The following MAMLD1 variants were observed in gnomAD, a reference collection of about 807,000 sequenced individuals.
MAMLD1 encodes mastermind-like domain-containing protein 1.
Under a neutral mutation model 45.0 loss-of-function variants are expected in MAMLD1, and 14 were observed. That is an observed-to-expected ratio of 0.31 (90% CI 0.21 to 0.49). MAMLD1 has a LOEUF of 0.49. Among genes scored for constraint, MAMLD1 ranks in the 20% least tolerant of loss-of-function variants. The pLI, the probability that MAMLD1 is intolerant of heterozygous loss-of-function variation, is 0.99. For missense variants in MAMLD1, 543 were observed against 603.6 expected, an observed-to-expected ratio of 0.90 and a Z score of 1.05; for synonymous variants, 254 against 247.8, an observed-to-expected ratio of 1.02 and a Z score of -0.24.
intron 1 of MAMLD1, among the ~76,000 whole-genome samples, chrX:150,373,912 C>T: frequency 8.9e-6 from 1 of 111,894 alleles, no homozygotes; most frequent in East Asian, 2.8e-4. Flanking sequence ...AATCCACACC[C>T]CACCCTCCAC....
chrX:150,363,575 TC>T (rs1258301455), intron 1 of MAMLD1, 45 bp downstream of exon 1: 1 of 110,866 alleles, frequency 9.0e-6, no homozygotes, highest in Non-Finnish European at 1.9e-5. Flanking sequence ...TTCTGGGGGT[TC>T]CGGGGTACAC....
At chrX:150,371,555 T>A (rs2031988565) in intron 1 of MAMLD1, among the ~76,000 whole-genome samples, 1 of 111,772 alleles carries the variant, frequency 8.9e-6, no homozygotes, top group Non-Finnish European at 1.9e-5. Flanking sequence ...GAGAGGAAAG[T>A]GTGGGTCTTT....
At chrX:150,485,532 C>T (rs1396475518) in intron 5 of MAMLD1, among the ~76,000 whole-genome samples, 1 of 111,757 alleles carries the variant, frequency 8.9e-6, no homozygotes, top group African/African-American at 3.2e-5. Context: ...TATGAGCTAG[C>T]ATTGCTTCTT....
At chrX:150,484,560 A>C (rs1349910589) in intron 5 of MAMLD1, among the ~76,000 whole-genome samples, 6 of 112,454 alleles carry the variant, frequency 5.3e-5, no homozygotes, top group Non-Finnish European at 9.4e-5. Context: ...AATCATGTAG[A>C]TCTATTCTGC....
At chrX:150,495,574 C>G (rs1357024150) in intron 5 of MAMLD1, among the ~76,000 whole-genome samples, 2 of 112,696 alleles carry the variant, frequency 1.8e-5, no homozygotes, top group Non-Finnish European at 3.8e-5. Context: ...GTGGCCTCCA[C>G]TGATCCGGCC....
At chrX:150,398,311 GAAGAAGAAGAAGAAGAAGAA>G (rs2033560475) in intron 1 of MAMLD1, among the ~76,000 whole-genome samples, 3 of 99,531 alleles carry the variant, frequency 3.0e-5, no homozygotes, top group African/African-American at 1.1e-4. Flanking sequence ...AGAAGAAGAA[GAAGAAGAAGAAGAAGAAGAA>G]GAAGAAGAAG....
At chrX:150,425,412 G>A (rs144719848) in intron 1 of MAMLD1, among the ~76,000 whole-genome samples, 40 of 112,772 alleles carry the variant, frequency 3.5e-4, no homozygotes, top group African/African-American at 1.2e-3. Flanking sequence ...TAAAAGTGAT[G>A]TTTTAGAATA....
At chrX:150,369,496 C>G (rs966540985) in intron 1 of MAMLD1, among the ~76,000 whole-genome samples, 1 of 112,602 alleles carries the variant, frequency 8.9e-6, no homozygotes, top group Non-Finnish European at 1.9e-5. Flanking sequence ...CAAAACAATA[C>G]AAAAGTGTGA....
Position 150,512,980 on chromosome X carries a change from G to A in MAMLD1, c.*1021G>A. 4 of 1,155,510 alleles carry A rather than the reference G, an allele frequency of 3.5e-6. No homozygotes were observed. Among genetic ancestry groups the A allele is most frequent in the Non-Finnish European group, 4.6e-6 (4 of 872,440 alleles). On this transcript the variant is annotated 3_prime_UTR_variant, in exon 8 of 8. Coordinates refer to ENST00000370401, the MANE Select transcript of MAMLD1 (RefSeq NM_005491.5). ...ATGAAGACTGGGTGTGCAACTTGAGGCTGATCGACGACATTTTGGAACAGC... is the reference window on the plus strand; with the variant it reads ...ATGAAGACTGGGTGTGCAACTTGAGACTGATCGACGACATTTTGGAACAGC...
In MAMLD1 at chrX:150,405,228, T is replaced by C. The variant is rs2033966565; in HGVS notation, c.-63-40226T>C. Among the ~76,000 whole-genome samples the C allele has an allele frequency of 2.7e-5, 3 of 111,912 alleles. No individual in the cohort carries two copies. In the Admixed American group the frequency reaches 2.8e-4, roughly 11 times the overall value. On this transcript the variant is annotated intron_variant, in intron 1 of 7. Coordinates refer to ENST00000370401, the MANE Select transcript of MAMLD1 (RefSeq NM_005491.5). ...CACATGTTCTGCAGCAAATTAGACA[T>C]TGGGCTGGATCCAGAAATAACCTGT...
intron 5 of MAMLD1, 86 bp from the exon 6 acceptor site, chrX:150,503,188 C>T: frequency 1.2e-6 from 1 of 861,983 alleles, no homozygotes; most frequent in Non-Finnish European, 1.7e-6. Context: ...CCAGATGACC[C>T]AGCTAGACAC....
chrX:150,429,591 C>T (rs1314214850), intron 1 of MAMLD1, among the ~76,000 whole-genome samples: 3 of 110,426 alleles, frequency 2.7e-5, no homozygotes, highest in Non-Finnish European at 5.7e-5. Context: ...TACAGGTTTC[C>T]GTATAAAAAT....
chrX:150,481,442 C>T (rs1287016191), intron 5 of MAMLD1, among the ~76,000 whole-genome samples: 2 of 112,228 alleles, frequency 1.8e-5, no homozygotes, highest in Non-Finnish European at 3.8e-5. Context: ...AATAGTGCAG[C>T]CACTGTGGAA....
At chrX:150,417,861 G>T (rs2034320136) in intron 1 of MAMLD1, among the ~76,000 whole-genome samples, 1 of 110,285 alleles carries the variant, frequency 9.1e-6, no homozygotes. Flanking sequence ...GGGGTTGTTT[G>T]TTTTTTTCTT....
At chrX:150,446,862 C>G (rs1425172690) in intron 2 of MAMLD1, among the ~76,000 whole-genome samples, 1 of 112,781 alleles carries the variant, frequency 8.9e-6, no homozygotes, top group Non-Finnish European at 1.9e-5. Context: ...TCCCAGAGTC[C>G]GTGATCAGTT....
intron 1 of MAMLD1, among the ~76,000 whole-genome samples, chrX:150,371,351 T>G (rs1041334891): frequency 9.9e-5 from 11 of 111,479 alleles, no homozygotes; most frequent in Admixed American, 9.5e-4. Context: ...TGATATCATC[T>G]TGTTGGAAGA....
chrX:150,477,080 G>T (rs782063760), intron 5 of MAMLD1, among the ~76,000 whole-genome samples: 22 of 113,401 alleles, frequency 1.9e-4, no homozygotes, highest in Non-Finnish European at 3.7e-4. Context: ...CTTGGCAGGG[G>T]ACAGGCCCTG....
intron 6 of MAMLD1, among the ~76,000 whole-genome samples, chrX:150,505,512 T>C (rs1557408776): frequency 8.9e-6 from 1 of 112,165 alleles, no homozygotes; most frequent in East Asian, 2.8e-4. Context: ...GACTGTCATG[T>C]AAGCAATACC....
intron 1 of MAMLD1, among the ~76,000 whole-genome samples, chrX:150,423,268 C>G (rs782799485): frequency 4.5e-5 from 5 of 111,091 alleles, no homozygotes; most frequent in Non-Finnish European, 9.4e-5. Context: ...CCTAGTGCAA[C>G]ATTTCCAGTT....
Sources: gnomAD v4.1 joint callset for allele counts (sites outside exome capture counted in the v4.1 genomes callset) on GRCh38, gnomAD v4.1.1 for gene constraint, MANE v1.5 for transcripts, NCBI Gene and HGNC (gene_info 2026-07-23, HGNC 2026-07-21) for gene names.